WBP1L: variants seen among roughly 807,000 people sequenced by gnomAD.
The protein encoded by WBP1L is WW domain binding protein 1-like.
In WBP1L, 17 loss-of-function variants were observed where a neutral mutation model predicts 33.7. That is an observed-to-expected ratio of 0.50 (90% confidence interval 0.34 to 0.76). WBP1L has a LOEUF of 0.76. WBP1L is among the 30% of genes least tolerant of loss of function. The pLI is 0.01. For synonymous variants in WBP1L, 173 were observed against 190.8 expected, an observed-to-expected ratio of 0.91 and a Z score of 0.77; for missense variants, 389 against 469.4, an observed-to-expected ratio of 0.83 and a Z score of 1.58.
intron 2 of WBP1L, among the ~76,000 whole-genome samples, chr10:102,805,601 T>G (rs1174150040): frequency 6.6e-6 from 1 of 152,068 alleles, no homozygotes. Context: ...CTTTTAAAAT[T>G]TTAAAGTTTG....
intron 1 of WBP1L, among the ~76,000 whole-genome samples, chr10:102,750,433 G>A (rs1842913876): frequency 6.6e-6 from 1 of 151,874 alleles, no homozygotes; most frequent in Admixed American, 6.6e-5. Context: ...TAATTTACAT[G>A]CCAAAAAAAT....
rs190976583 is a variant in WBP1L, at chr10:102,754,202, T to C, written c.90+10059T>C. On this transcript the variant is annotated intron_variant, in intron 1 of 3. Coordinates refer to ENST00000448841, the MANE Select transcript of WBP1L (RefSeq NM_001083913.2). ...AACTCTTTGGAACTTAAATACAGAA[T>C]TGAATAGTGTGAGTTCATCCTGCTT... is the stretch of plus-strand genomic sequence containing the variant. 2.6e-5 allele frequency among the ~76,000 whole-genome samples: 4 copies of C among 152,358 alleles called. No homozygotes were observed. In the East Asian group the frequency reaches 7.7e-4, roughly 29 times the overall value.
At chr10:102,786,826 G>C (rs912533962) in intron 1 of WBP1L, among the ~76,000 whole-genome samples, 22 of 152,180 alleles carry the variant, frequency 1.4e-4, no homozygotes, top group African/African-American at 5.3e-4. Flanking sequence ...TGAAGCAGCA[G>C]CCATCTCTTT....
At chr10:102,748,629 T>A (rs1842892529) in intron 1 of WBP1L, among the ~76,000 whole-genome samples, 2 of 152,234 alleles carry the variant, frequency 1.3e-5, no homozygotes, top group Admixed American at 1.3e-4. Context: ...CTGAAATGTC[T>A]ACTCTTTGCA....
chr10:102,785,424 T>C (rs911629692), intron 1 of WBP1L, among the ~76,000 whole-genome samples: 1 of 150,712 alleles, frequency 6.6e-6, no homozygotes, highest in African/African-American at 2.5e-5. Flanking sequence ...CCTGATCTCA[T>C]GATCCACCTA....
chr10:102,754,808 G>A (rs1226057446), intron 1 of WBP1L, among the ~76,000 whole-genome samples: 1 of 151,758 alleles, frequency 6.6e-6, no homozygotes, highest in Non-Finnish European at 1.5e-5. Flanking sequence ...GGGCTAAAGC[G>A]ATTCTCCTGC....
chr10:102,775,469 A>G lies in WBP1L; in HGVS notation c.91-22524A>G, dbSNP rs377499950. Among the ~76,000 whole-genome samples the G allele has an allele frequency of 7.9e-5, 12 of 152,210 alleles. No individual in the cohort carries two copies. In the East Asian group the frequency reaches 1.9e-3, roughly 24 times the overall value. On this transcript the variant is annotated intron_variant, in intron 1 of 3. Transcript: ENST00000448841. ...TAAGGCGGTGAACTTTTCTGAACCA[A>G]GAGTTGGTTTAAATATAGATGATCT...
intron 1 of WBP1L, among the ~76,000 whole-genome samples, chr10:102,784,425 T>TC (rs1564762664): frequency 7.0e-6 from 1 of 142,934 alleles, no homozygotes; most frequent in East Asian, 2.0e-4. Context: ...TTGTTTCTTT[T>TC]TTTTTTTTTT....
At chr10:102,801,164 A>T (rs1843652516) in intron 2 of WBP1L, among the ~76,000 whole-genome samples, 3 of 152,138 alleles carry the variant, frequency 2.0e-5, no homozygotes, top group Admixed American at 2.0e-4. Context: ...CAAACCAGTT[A>T]TTGGGCCTGC....
intron 1 of WBP1L, among the ~76,000 whole-genome samples, chr10:102,754,691 C>T (rs1235222870): frequency 6.6e-6 from 1 of 151,894 alleles, no homozygotes; most frequent in Non-Finnish European, 1.5e-5. Flanking sequence ...CCGCGGCAGG[C>T]CCCTTTTTAC....
At chr10:102,759,065 CG>C (rs776460335) in intron 1 of WBP1L, among the ~76,000 whole-genome samples, 55 of 152,270 alleles carry the variant, frequency 3.6e-4, no homozygotes, top group Admixed American at 3.5e-3. Flanking sequence ...TTTAGGACTC[CG>C]GATGACTGTG....
Position 102,809,538 on chromosome 10 carries a change from A to AT in WBP1L, c.194-350dup, listed in dbSNP as rs1843796549. Among the ~76,000 whole-genome samples the AT allele has an allele frequency of 2.6e-5, 4 of 150,954 alleles. No individual in the cohort carries two copies. The South Asian group carries it at 8.5e-4, about 32-fold the overall frequency. On this transcript the variant is annotated intron_variant, in intron 2 of 3. Transcript: ENST00000448841. ...AGGCGCCTGCCACCATACCTGGCTG[A>AT]TTTTTGTATTTTTAGTAGAGATGGG...
At chr10:102,756,343 GA>G (rs1425588528) in intron 1 of WBP1L, among the ~76,000 whole-genome samples, 1 of 152,168 alleles carries the variant, frequency 6.6e-6, no homozygotes, top group Non-Finnish European at 1.5e-5. Context: ...CCGGGAAGCA[GA>G]GGTTGCAGTG....
chr10:102,771,481 A>G (rs1239805513), intron 1 of WBP1L, among the ~76,000 whole-genome samples: 1 of 152,142 alleles, frequency 6.6e-6, no homozygotes, highest in Non-Finnish European at 1.5e-5. Context: ...CAGCCTGGGC[A>G]ACATAGGAAG....
intron 1 of WBP1L, among the ~76,000 whole-genome samples, chr10:102,762,535 G>A (rs1202937561): frequency 6.6e-6 from 1 of 152,206 alleles, no homozygotes; most frequent in Non-Finnish European, 1.5e-5. Context: ...AACAGGTCTA[G>A]TAGTGGCGTT....
intron 2 of WBP1L, among the ~76,000 whole-genome samples, chr10:102,809,257 T>C (rs1453587103): frequency 6.6e-6 from 1 of 152,066 alleles, no homozygotes; most frequent in Non-Finnish European, 1.5e-5. Context: ...TTTGTATTTT[T>C]AGTAGAGACA....
intron 1 of WBP1L, among the ~76,000 whole-genome samples, chr10:102,792,205 T>C (rs894004676): frequency 6.6e-6 from 1 of 152,232 alleles, no homozygotes; most frequent in Non-Finnish European, 1.5e-5. Context: ...AGCTGGTCAC[T>C]GTGGCACCGG....
At chr10:102,751,341 A>G (rs573227683) in intron 1 of WBP1L, among the ~76,000 whole-genome samples, 1 of 139,058 alleles carries the variant, frequency 7.2e-6, no homozygotes, top group African/African-American at 2.7e-5. Flanking sequence ...TTTTTGAGAC[A>G]CGATCTCCCT....
At chr10:102,805,617 C>T (rs1405503604) in intron 2 of WBP1L, among the ~76,000 whole-genome samples, 1 of 152,030 alleles carries the variant, frequency 6.6e-6, no homozygotes, top group Non-Finnish European at 1.5e-5. Context: ...GTTTGGCCAT[C>T]TCTGGTATTT....
Sources: allele counts gnomAD v4.1 joint callset (sites outside exome capture counted in the v4.1 genomes callset), GRCh38; gene constraint gnomAD v4.1.1; transcripts MANE v1.5; gene names NCBI Gene and HGNC (gene_info 2026-07-23, HGNC 2026-07-21).